Variants in TRIP12 observed in about 807,000 individuals in gnomAD.
TRIP12 encodes the protein E3 ubiquitin-protein ligase TRIP12.
TRIP12 carries 25 observed loss-of-function variants against 244.2 expected under a neutral mutation model. The observed-to-expected ratio is 0.10, with a 90% CI of 0.07 to 0.14. TRIP12 has a LOEUF of 0.14. Among genes scored for constraint, TRIP12 ranks in the 10% least tolerant of loss-of-function variants. The probability of loss-of-function intolerance (pLI) is 1.00; values close to 1 mark genes in which losing one functional copy is unlikely to be tolerated. For synonymous variants in TRIP12, 905 were observed against 873.1 expected (o/e 1.04, Z -0.64); for missense variants, 1,677 against 2,486.4 (o/e 0.67, Z 6.92).
intron 2 of TRIP12, among the ~76,000 whole-genome samples, chr2:229,862,462 T>G (rs1478111562): frequency 6.6e-6 from 1 of 152,226 alleles, no homozygotes; most frequent in Admixed American, 6.5e-5. Flanking sequence ...GTCCTCTACA[T>G]TCTTATTTTC....
intron 4 of TRIP12, among the ~76,000 whole-genome samples, chr2:229,845,659 A>G (rs1386208809): frequency 2.6e-5 from 4 of 152,232 alleles, no homozygotes; most frequent in African/African-American, 9.6e-5. Context: ...TCTTAAGGGT[A>G]GATATCAAAA....
At chr2:229,777,533 C>A in intron 36 of TRIP12, 54 bp from the exon 37 acceptor site, 1 of 1,582,998 alleles carries the variant, frequency 6.3e-7, no homozygotes, top group Non-Finnish European at 8.7e-7. Flanking sequence ...TCCAGCATTA[C>A]CTCCATCTAA....
chr2:229,846,010 T>C (rs1182682311), intron 4 of TRIP12, among the ~76,000 whole-genome samples: 2 of 120,336 alleles, frequency 1.7e-5, no homozygotes, highest in South Asian at 3.6e-4. Flanking sequence ...GCCTCTCTTT[T>C]TTTCAAAAAA....
At chr2:229,843,544 G>A (rs537470380) in intron 4 of TRIP12, among the ~76,000 whole-genome samples, 11 of 152,176 alleles carry the variant, frequency 7.2e-5, no homozygotes, top group East Asian at 1.9e-4. Flanking sequence ...CCTGGGCAAC[G>A]CAGATCTTGT....
intron 8 of TRIP12, among the ~76,000 whole-genome samples, chr2:229,819,587 G>A (rs2049467734): frequency 6.6e-6 from 1 of 152,122 alleles, no homozygotes; most frequent in African/African-American, 2.4e-5. Flanking sequence ...CTATGAATGT[G>A]TTTCATTTTT....
rs1334867852 is a variant in TRIP12, at chr2:229,795,268, T to C, written c.3879A>G (p.Leu1293=). 2 of 1,614,104 alleles carry C rather than the reference T, an allele frequency of 1.2e-6. No individual in the cohort carries two copies. The highest frequency in any genetic ancestry group is 4.5e-5 in the East Asian group (2 of 44,876). Residue 1293 remains leucine (L), a synonymous_variant, in exon 26 of 42, where the codon TTA becomes TTG. Transcript: ENST00000675903. The part of the protein sequence containing the change: ...EPVGNAPLLA[L]VHKMNNCLSQ... The stretch of plus-strand genomic sequence containing the variant: ...TGAGGCAGTTGTTCATCTTGTGAAC[T>C]AATGCCAACAAAGGTGCATTACCCA...
intron 1 of TRIP12, among the ~76,000 whole-genome samples, chr2:229,917,222 T>C (rs1577200078): frequency 6.6e-6 from 1 of 150,794 alleles, no homozygotes; most frequent in South Asian, 2.1e-4. Flanking sequence ...CTACTAAAAA[T>C]ACAAAAAAAT....
intron 6 of TRIP12, 104 bp downstream of exon 6, chr2:229,836,744 C>G: frequency 2.3e-6 from 3 of 1,320,138 alleles, no homozygotes; most frequent in Non-Finnish European, 3.0e-6. Flanking sequence ...CAAAACAGAA[C>G]AAGAAGTTTA....
chr2:229,909,507 G>A lies in TRIP12; in HGVS notation c.-50+12373C>T, dbSNP rs368062918. Among the ~76,000 whole-genome samples the A allele has an allele frequency of 8.6e-5, 13 of 151,762 alleles. No homozygotes were observed. The East Asian group carries it at 2.5e-3, about 29-fold the overall frequency. On this transcript the variant is annotated intron_variant, in intron 1 of 41. Coordinates refer to ENST00000675903, the MANE Select transcript of TRIP12 (RefSeq NM_001348323.3). ...CAGGAGGTTAAGGCTGCAGTGAGCAGTGACTGTGCCACTGGACTCCAGCCT... is the reference window on the plus strand; with the variant it reads ...CAGGAGGTTAAGGCTGCAGTGAGCAATGACTGTGCCACTGGACTCCAGCCT...
chr2:229,850,158 C>T (rs947396374), intron 4 of TRIP12, among the ~76,000 whole-genome samples: 1 of 152,128 alleles, frequency 6.6e-6, no homozygotes, highest in South Asian at 2.1e-4. Flanking sequence ...TTTGACCTTG[C>T]ATACAAAACA....
rs570076410 is a variant in TRIP12, at chr2:229,859,154, C to A, written c.645G>T (p.Ala215=). ...ATTTTGAAGCCAGCTTGGTAGGTTTCGCAGATCTCTCTTCTGCACCAGTTG... is the reference window on the plus strand; with the variant it reads ...ATTTTGAAGCCAGCTTGGTAGGTTTAGCAGATCTCTCTTCTGCACCAGTTG... ...SESTGAEERS[A]KPTKLASKSA... The change falls in exon 4 of 42, where the codon GCG becomes GCT. Residue 215 remains alanine (A), a synonymous_variant. Coordinates refer to ENST00000675903, the MANE Select transcript of TRIP12 (RefSeq NM_001348323.3). The A allele has an allele frequency of 3.2e-5, 52 of 1,614,034 alleles. No individual in the cohort carries two copies.
intron 32 of TRIP12, among the ~76,000 whole-genome samples, chr2:229,788,097 C>T (rs565362252): frequency 3.9e-5 from 6 of 152,260 alleles, no homozygotes; most frequent in African/African-American, 1.4e-4. Flanking sequence ...GCCACCACGT[C>T]CAGCCAGGTC....
chr2:229,801,965 T>C (rs1262839411), intron 21 of TRIP12, among the ~76,000 whole-genome samples: 5 of 152,202 alleles, frequency 3.3e-5, no homozygotes, highest in Admixed American at 6.5e-5. Context: ...TGTTAGAGCC[T>C]ACAAGTAACA....
At chr2:229,851,463 C>A (rs1337125654) in intron 4 of TRIP12, among the ~76,000 whole-genome samples, 2 of 152,118 alleles carry the variant, frequency 1.3e-5, no homozygotes, top group Non-Finnish European at 2.9e-5. Flanking sequence ...AAACAGACCA[C>A]TCGGCTCTAC....
Position 229,767,423 on chromosome 2 carries a change from T to C in TRIP12, c.*131A>G. The C allele has an allele frequency of 9.1e-7, 1 of 1,104,374 alleles. No individual in the cohort carries two copies. Among genetic ancestry groups the C allele is most frequent in the African/African-American group, 1.6e-5 (1 of 62,784 alleles). 68.4% of individuals were successfully genotyped at this position (1,104,374 alleles called of 1,614,324 possible). The stretch of plus-strand genomic sequence containing the variant: ...TGAATATCAACCAAATGTCTCTTTA[T>C]AATCTGCAAGCCGTTTTTCCTACAA... On this transcript the variant is annotated 3_prime_UTR_variant, in exon 42 of 42. Coordinates refer to ENST00000675903, the MANE Select transcript of TRIP12 (RefSeq NM_001348323.3).
At chr2:229,824,209 T>A (rs1349694153) in intron 8 of TRIP12, among the ~76,000 whole-genome samples, 2 of 152,172 alleles carry the variant, frequency 1.3e-5, no homozygotes, top group Non-Finnish European at 2.9e-5. Flanking sequence ...TGAATTTGCA[T>A]TATACTCTCT....
intron 13 of TRIP12, 127 bp downstream of exon 13, chr2:229,813,743 C>A: frequency 1.6e-6 from 1 of 614,964 alleles, no homozygotes; most frequent in East Asian, 5.4e-5. Flanking sequence ...GAGATCACAC[C>A]ACTGCACTCT....
intron 2 of TRIP12, among the ~76,000 whole-genome samples, chr2:229,874,919 A>G (rs2063320839): frequency 6.6e-6 from 1 of 152,214 alleles, no homozygotes; most frequent in East Asian, 1.9e-4. Context: ...CCACTTGAGA[A>G]AAACAAGAAA....
chr2:229,837,508 G>A lies in TRIP12; in HGVS notation c.1134-524C>T, dbSNP rs562406984. 4.2e-4 allele frequency among the ~76,000 whole-genome samples: 64 copies of A among 152,166 alleles called. 2 individuals carry two copies. The South Asian group carries it at 0.011, about 26-fold the overall frequency. On this transcript the variant is annotated intron_variant, in intron 5 of 41. Coordinates refer to ENST00000675903, the MANE Select transcript of TRIP12 (RefSeq NM_001348323.3). Reference sequence around the variant, plus strand: ...AAATTAGCCAGGTGTGGTGGCATGCGCCTGTAATCCCAGCTACTTGGGAGG... The same window carrying A: ...AAATTAGCCAGGTGTGGTGGCATGCACCTGTAATCCCAGCTACTTGGGAGG...
Sources: gnomAD v4.1 joint callset for allele counts (sites outside exome capture counted in the v4.1 genomes callset) on GRCh38, gnomAD v4.1.1 for gene constraint, MANE v1.5 for transcripts, NCBI Gene and HGNC (gene_info 2026-07-23, HGNC 2026-07-21) for gene names.